The following FBLN7 variants were observed in gnomAD, a reference collection of about 807,000 sequenced individuals.
The protein encoded by FBLN7 is fibulin-7.
In FBLN7, 31 loss-of-function variants were observed where a neutral mutation model predicts 44.0. The observed-to-expected ratio is 0.70, with a 90% CI of 0.53 to 0.95. The LOEUF (loss-of-function observed/expected upper bound fraction) is 0.95, where lower values mean the gene tolerates loss of function less well. Among genes scored for constraint, FBLN7 ranks in the 40% least tolerant of loss-of-function variants. FBLN7 has a pLI of 0.00. For missense variants in FBLN7, 573 were observed against 618.5 expected (o/e 0.93, Z 0.78); for synonymous variants, 262 against 253.4 (o/e 1.03, Z -0.32).
chr2:112,141,802 A>T (rs1396616765), intron 1 of FBLN7, among the ~76,000 whole-genome samples: 1 of 152,008 alleles, frequency 6.6e-6, no homozygotes, highest in Non-Finnish European at 1.5e-5. Context: ...TGAGGTAAAC[A>T]CCTGTCTCCT....
Position 112,138,551 on chromosome 2 carries a change from C to G in FBLN7, c.-105C>G. ...CTGCCCCAGCCGCCCCCCGGCCGCG[C>G]GGCGCCCCGCACCCTGCAGGGACGG... On this transcript the variant is annotated 5_prime_UTR_variant, in exon 1 of 8. Coordinates refer to ENST00000331203, the MANE Select transcript of FBLN7 (RefSeq NM_153214.3). 20 of 1,510,328 alleles carry G rather than the reference C, an allele frequency of 1.3e-5. No individual in the cohort carries two copies. The highest frequency in any genetic ancestry group is 1.9e-5 in the Admixed American group (1 of 53,098). 93.6% of individuals were successfully genotyped at this position (1,510,328 alleles called of 1,614,324 possible).
At chr2:112,236,596 T>C in the FBLN7 span, 1 of 1,614,038 alleles carries the variant, frequency 6.2e-7, no homozygotes, top group Non-Finnish European at 8.5e-7. Flanking sequence ...CAGCAAAGCA[T>C]TTGATCCTTT....
chr2:112,242,598 G>A, the FBLN7 span, among the ~76,000 whole-genome samples: 7 of 152,108 alleles, frequency 4.6e-5, no homozygotes, highest in East Asian at 3.8e-4. Flanking sequence ...ATTTAAAGGC[G>A]CAGTGAATTG....
At chr2:112,173,409 G>A (rs1177665577) in intron 3 of FBLN7, among the ~76,000 whole-genome samples, 1 of 151,662 alleles carries the variant, frequency 6.6e-6, no homozygotes, top group Middle Eastern at 3.2e-3. Flanking sequence ...ATAAAAGCAA[G>A]GAAAGAACAG....
chr2:112,159,757 G>T lies in FBLN7; in HGVS notation c.157G>T (p.Glu53Ter), dbSNP rs765378223. The T allele has an allele frequency of 6.2e-7, 1 of 1,604,944 alleles. No homozygotes were observed. The highest frequency in any genetic ancestry group is 1.3e-5 in the African/African-American group (1 of 74,362). ...GAAGGGCCAGGAGACACGCTTCGCC[G>T]AGGGCATCCGCCACATGAAGAGCCG... ...LLKGQETRFA[E>*]GIRHMKSRLA... Residue 53 changes from glutamate to a stop codon, truncating the protein, a stop_gained, in exon 2 of 8, where the codon GAG becomes TAG. Transcript: ENST00000331203. LOFTEE classifies it high-confidence loss of function.
intron 1 of FBLN7, chr2:112,152,903 TTAA>T (rs1385589427): frequency 1.3e-5 from 2 of 152,218 alleles, no homozygotes; most frequent in Non-Finnish European, 2.9e-5. Flanking sequence ...TCTCCATATA[TTAA>T]TAAGTATGTT....
intron 3 of FBLN7, among the ~76,000 whole-genome samples, chr2:112,167,523 G>A (rs1682221010): frequency 1.3e-5 from 2 of 152,166 alleles, no homozygotes; most frequent in Admixed American, 6.5e-5. Flanking sequence ...AGAGGGTCCT[G>A]CCGTGTCCTA....
At chr2:112,243,851 C>G in the FBLN7 span, among the ~76,000 whole-genome samples, 1 of 151,854 alleles carries the variant, frequency 6.6e-6, no homozygotes, top group Non-Finnish European at 1.5e-5. Context: ...GAAGAAGCAA[C>G]TATCATTTGA....
the FBLN7 span, among the ~76,000 whole-genome samples, chr2:112,195,988 G>A: frequency 6.5e-4 from 99 of 152,298 alleles, no homozygotes; most frequent in Admixed American, 2.5e-3. Context: ...CTCAGAAATG[G>A]TGCCAGTCTC....
chr2:112,163,127 C>T (rs968011387), intron 2 of FBLN7, among the ~76,000 whole-genome samples: 23 of 152,194 alleles, frequency 1.5e-4, no homozygotes, highest in African/African-American at 5.1e-4. Flanking sequence ...TCGGAGGGTC[C>T]GGCACCTCCC....
the FBLN7 span, among the ~76,000 whole-genome samples, chr2:112,240,952 A>AGTGTGTGTGT: frequency 7.6e-4 from 109 of 142,714 alleles, no homozygotes; most frequent in Middle Eastern, 0.011. Context: ...TACAGGTAAC[A>AGTGTGTGTGT]GTGTGTGTGT....
chr2:112,239,171 A>ACCCAGGCATGGGAGCTAATCCTAGAGGAG, the FBLN7 span, among the ~76,000 whole-genome samples: 3 of 152,224 alleles, frequency 2.0e-5, no homozygotes, highest in Non-Finnish European at 4.4e-5. Flanking sequence ...AGGGTGAAGA[A>ACCCAGGCATGGGAGCTAATCCTAGAGGAG]CCCAGGCATG....
the FBLN7 span, among the ~76,000 whole-genome samples, chr2:112,228,348 C>T: frequency 6.6e-6 from 1 of 151,886 alleles, no homozygotes; most frequent in African/African-American, 2.4e-5. Flanking sequence ...CTAAAAATAA[C>T]AAAAATTAGG....
chr2:112,236,996 G>T, the FBLN7 span, among the ~76,000 whole-genome samples: 1 of 152,208 alleles, frequency 6.6e-6, no homozygotes, highest in African/African-American at 2.4e-5. Flanking sequence ...AGGTGTTCAA[G>T]GTTACAGTGA....
chr2:112,242,816 A>C, the FBLN7 span, among the ~76,000 whole-genome samples: 1 of 152,248 alleles, frequency 6.6e-6, no homozygotes, highest in African/African-American at 2.4e-5. Context: ...TTAAAATTAG[A>C]CAATTTAAAA....
chr2:112,148,048 C>T (rs112290146), intron 1 of FBLN7, among the ~76,000 whole-genome samples: 189 of 152,188 alleles, frequency 1.2e-3, no homozygotes, highest in African/African-American at 4.2e-3. Flanking sequence ...ATCAAGACCT[C>T]GCGCTGGAGC....
chr2:112,171,158 A>G (rs952867187), intron 3 of FBLN7, among the ~76,000 whole-genome samples: 37 of 152,218 alleles, frequency 2.4e-4, no homozygotes, highest in African/African-American at 8.9e-4. Context: ...ATGGGTAGAC[A>G]TCGTCTGGAG....
chr2:112,138,897 C>T (rs1242678421), intron 1 of FBLN7, among the ~76,000 whole-genome samples, 167 bp downstream of exon 1: 2 of 138,196 alleles, frequency 1.4e-5, no homozygotes, highest in African/African-American at 5.6e-5. Flanking sequence ...GTGTCCCTCC[C>T]GCCTCTGTCC....
the FBLN7 span, among the ~76,000 whole-genome samples, chr2:112,237,238 A>T: frequency 1.3e-5 from 2 of 152,208 alleles, no homozygotes; most frequent in Non-Finnish European, 2.9e-5. Flanking sequence ...TTAAAAATAT[A>T]TAAGGTATTG....
Sources: gnomAD v4.1 joint callset for allele counts (sites outside exome capture counted in the v4.1 genomes callset) on GRCh38, gnomAD v4.1.1 for gene constraint, MANE v1.5 for transcripts, NCBI Gene and HGNC (gene_info 2026-07-23, HGNC 2026-07-21) for gene names.